Variants in DOCK11 observed in about 807,000 individuals in gnomAD.
DOCK11 encodes the protein dedicator of cytokinesis 11.
DOCK11 carries 70 observed loss-of-function variants against 169.1 expected under a neutral mutation model. The ratio of observed to expected loss-of-function variants is 0.41; its 90% CI spans 0.34 to 0.51. The LOEUF is 0.51. Among genes scored for constraint, DOCK11 ranks in the 20% least tolerant of loss-of-function variants. The pLI is 0.10. For synonymous variants in DOCK11, 529 were observed against 541.3 expected, an observed-to-expected ratio of 0.98 and a Z score of 0.32; for missense variants, 1,166 against 1,538.8, an observed-to-expected ratio of 0.76 and a Z score of 4.05.
chrX:118,650,586 A>G (rs953871852), intron 41 of DOCK11, among the ~76,000 whole-genome samples: 6 of 111,860 alleles, frequency 5.4e-5, no homozygotes, highest in South Asian at 7.4e-4. Flanking sequence ...CTGCTATATA[A>G]TTACTTTTGC....
chrX:118,593,245 A>G lies in DOCK11; in HGVS notation c.2171A>G (p.Gln724Arg). ...IKIELPIHLHQKHHLLFTFYH... is the reference protein window; with the variant it reads ...IKIELPIHLHRKHHLLFTFYH... ...ATTGAGCTTCCCATTCACCTACATC[A>G]AAAACATCATTTGCTTTTCACTTTT... is the stretch of plus-strand genomic sequence containing the variant. Residue 724 changes from glutamine to arginine, a missense_variant, in exon 20 of 53, where the codon CAA (glutamine) becomes CGA (arginine). Physicochemically the swap from Gln to Arg is conservative, Grantham distance 43. Coordinates refer to ENST00000276202, the MANE Select transcript of DOCK11 (RefSeq NM_144658.4). 8.3e-7 allele frequency: 1 copy of G among 1,201,817 alleles called. No homozygotes were observed. Among genetic ancestry groups the G allele is most frequent in the Non-Finnish European group, 1.1e-6 (1 of 890,885 alleles).
In DOCK11 at chrX:118,518,871, G is replaced by T. The variant is rs150483743; in HGVS notation, c.102+22798G>T. 6.8e-3 allele frequency among the ~76,000 whole-genome samples: 759 copies of T among 111,585 alleles called. 9 individuals are homozygous for T. The highest frequency in any genetic ancestry group is 0.023 in the African/African-American group (708 of 30,645). On this transcript the variant is annotated intron_variant, in intron 1 of 52. Coordinates refer to ENST00000276202, the MANE Select transcript of DOCK11 (RefSeq NM_144658.4). ...TAGGGGAGGCTGAGCCTGTGTTGGGGCAGGGAGCACATGGGAACTGAACTC... is the reference window on the plus strand; with the variant it reads ...TAGGGGAGGCTGAGCCTGTGTTGGGTCAGGGAGCACATGGGAACTGAACTC...
At chrX:118,637,122 G>A (rs955766351) in intron 36 of DOCK11, among the ~76,000 whole-genome samples, 1 of 111,686 alleles carries the variant, frequency 9.0e-6, no homozygotes, top group Non-Finnish European at 1.9e-5. Flanking sequence ...AATGTCAGAA[G>A]AATAAACAGC....
In DOCK11 at chrX:118,578,505, C is replaced by T. The variant is rs764439704; in HGVS notation, c.1390-20C>T. 6 of 1,201,388 alleles carry T rather than the reference C, an allele frequency of 5.0e-6. No individual in the cohort carries two copies. Among genetic ancestry groups the T allele is most frequent in the East Asian group, 6.0e-5 (2 of 33,331 alleles). ...CACAAGATTACATAAGAAAGTCTAA[C>T]GGAAGTACTTTTTTCCCAGGGAATT... On this transcript the variant is annotated intron_variant, in intron 12 of 52. Transcript: ENST00000276202.
intron 6 of DOCK11, among the ~76,000 whole-genome samples, chrX:118,550,160 C>G (rs1423274424): frequency 2.7e-5 from 3 of 111,783 alleles, no homozygotes; most frequent in Non-Finnish European, 3.8e-5. Context: ...TATTTTGGGC[C>G]AGGCGTGGTA....
chrX:118,603,334 T>A (rs1490531420), intron 23 of DOCK11, among the ~76,000 whole-genome samples: 1 of 112,185 alleles, frequency 8.9e-6, no homozygotes, highest in African/African-American at 3.2e-5. Flanking sequence ...CGTGGTAGTT[T>A]GTTTTGTTTT....
At chrX:118,610,093 TC>T (rs1197773901) in intron 27 of DOCK11, among the ~76,000 whole-genome samples, 178 bp from the exon 28 acceptor site, 2 of 112,086 alleles carry the variant, frequency 1.8e-5, no homozygotes, top group African/African-American at 6.5e-5. Context: ...TCCAGATAGT[TC>T]CTGTAATTAT....
chrX:118,599,126 A>T lies in DOCK11; in HGVS notation c.2473-13A>T. On this transcript the variant is annotated splice_polypyrimidine_tract_variant and intron_variant, in intron 22 of 52. Transcript: ENST00000276202. ...AATCAAATTTCATATGGCTGTTTCC[A>T]TCTGTGTTCCAGGATCTGCATGTGC... is the stretch of plus-strand genomic sequence containing the variant. The T allele has an allele frequency of 8.4e-7, 1 of 1,196,348 alleles. No homozygotes were observed. The highest frequency in any genetic ancestry group is 1.1e-6 in the Non-Finnish European group (1 of 882,701).
At chrX:118,576,339 A>G (rs935950666) in intron 12 of DOCK11, among the ~76,000 whole-genome samples, 2 of 111,035 alleles carry the variant, frequency 1.8e-5, no homozygotes, top group Non-Finnish European at 3.8e-5. Flanking sequence ...TGGGCCATAG[A>G]CCTTGTCCTA....
intron 6 of DOCK11, among the ~76,000 whole-genome samples, chrX:118,552,577 C>T (rs2012536812): frequency 2.7e-5 from 3 of 112,766 alleles, no homozygotes; most frequent in African/African-American, 9.7e-5. Flanking sequence ...CTGAGTATAA[C>T]CTCATTGTTG....
chrX:118,521,021 G>A (rs1461560636), intron 1 of DOCK11, among the ~76,000 whole-genome samples: 3 of 111,544 alleles, frequency 2.7e-5, no homozygotes, highest in Non-Finnish European at 5.6e-5. Context: ...TCACAGTGAT[G>A]AATGGCTTGG....
Position 118,654,592 on chromosome X carries a change from T to A in DOCK11, c.4696-10T>A, listed in dbSNP as rs2016021281. 1 of 1,208,889 alleles carries A rather than the reference T, an allele frequency of 8.3e-7. No homozygotes were observed. Among genetic ancestry groups the A allele is most frequent in the Admixed American group, 2.2e-5 (1 of 45,959 alleles). ...GTTCAACTTGTCTTTTTTGTTTGTT[T>A]TGAAATTAGGCAACTGCCTTTCCCG... is the stretch of plus-strand genomic sequence containing the variant. On this transcript the variant is annotated splice_polypyrimidine_tract_variant and intron_variant, in intron 42 of 52. Transcript: ENST00000276202.
intron 36 of DOCK11, among the ~76,000 whole-genome samples, chrX:118,637,500 C>A (rs1201754837): frequency 1.8e-5 from 2 of 112,017 alleles, no homozygotes; most frequent in Non-Finnish European, 3.8e-5. Flanking sequence ...TGGCTCACGC[C>A]TGTAATCCCA....
chrX:118,573,730 A>G, intron 11 of DOCK11, 76 bp from the exon 12 acceptor site: 2 of 840,393 alleles, frequency 2.4e-6, no homozygotes, highest in Non-Finnish European at 3.4e-6. Context: ...TACAAAACTT[A>G]TTTTGCACTT....
At chrX:118,591,867 G>A (rs2014008850) in intron 19 of DOCK11, among the ~76,000 whole-genome samples, 1 of 77,166 alleles carries the variant, frequency 1.3e-5, no homozygotes, top group Non-Finnish European at 2.6e-5. Flanking sequence ...CCACCTATGA[G>A]TGAGAACATG....
At chrX:118,530,187 TAAAG>T (rs1277147410) in intron 1 of DOCK11, among the ~76,000 whole-genome samples, 7 of 112,820 alleles carry the variant, frequency 6.2e-5, no homozygotes, top group Middle Eastern at 4.6e-3. Context: ...TTCTCTCTCT[TAAAG>T]AAAGGCTTTT....
chrX:118,615,197 A>C (rs1248446450), intron 29 of DOCK11, among the ~76,000 whole-genome samples: 2 of 112,168 alleles, frequency 1.8e-5, no homozygotes, highest in East Asian at 2.8e-4. Context: ...TTTCTGTTCA[A>C]GGAAGCCTGT....
chrX:118,540,704 T>C (rs1240624413), intron 1 of DOCK11, among the ~76,000 whole-genome samples: 3 of 111,524 alleles, frequency 2.7e-5, no homozygotes, highest in African/African-American at 9.8e-5. Flanking sequence ...GATATGGAAA[T>C]TGGGTATAGC....
At chrX:118,683,239 A>G (rs777624061) in intron 52 of DOCK11, 22 bp downstream of exon 52, 2 of 1,191,639 alleles carry the variant, frequency 1.7e-6, no homozygotes, top group Non-Finnish European at 2.3e-6. Context: ...GGTGACTAAA[A>G]CTGAAAACAT....
Sources: allele counts gnomAD v4.1 joint callset (sites outside exome capture counted in the v4.1 genomes callset), GRCh38; gene constraint gnomAD v4.1.1; transcripts MANE v1.5; gene names NCBI Gene and HGNC (gene_info 2026-07-23, HGNC 2026-07-21).